The following NRP1 variants were observed in gnomAD, a reference collection of about 807,000 sequenced individuals.
NRP1 encodes the protein neuropilin-1.
A neutral mutation model predicts 106.7 loss-of-function variants in NRP1; 35 were observed. The ratio of observed to expected loss-of-function variants is 0.33; its 90% CI spans 0.25 to 0.43. The LOEUF (loss-of-function observed/expected upper bound fraction) is 0.43, where lower values mean the gene tolerates loss of function less well. NRP1 is among the 20% of genes least tolerant of loss of function. NRP1 has a pLI of 1.00. For synonymous variants in NRP1, 437 were observed against 417.9 expected (o/e 1.05, Z -0.56); for missense variants, 1,024 against 1,170.4 (o/e 0.87, Z 1.83).
chr10:33,313,519 A>G (rs1846764667), intron 2 of NRP1, among the ~76,000 whole-genome samples: 1 of 152,252 alleles, frequency 6.6e-6, no homozygotes, highest in Non-Finnish European at 1.5e-5. Context: ...AAGTTAAAAA[A>G]AAAAGACATC....
intron 2 of NRP1, among the ~76,000 whole-genome samples, chr10:33,319,652 T>G (rs1847330048): frequency 6.7e-6 from 1 of 149,232 alleles, no homozygotes; most frequent in African/African-American, 2.5e-5. Flanking sequence ...ATTGGCACGA[T>G]CTCGGCTTAT....
intron 6 of NRP1, among the ~76,000 whole-genome samples, chr10:33,231,053 G>A (rs1026528259): frequency 2.0e-5 from 3 of 152,108 alleles, no homozygotes; most frequent in Admixed American, 1.3e-4. Flanking sequence ...TTCGTTGCTT[G>A]TAACAGAATA....
chr10:33,265,841 C>T (rs144751312), intron 3 of NRP1, among the ~76,000 whole-genome samples: 1 of 152,298 alleles, frequency 6.6e-6, no homozygotes, highest in Non-Finnish European at 1.5e-5. Flanking sequence ...ATGACATGTG[C>T]TGTATGGTTT....
At chr10:33,326,382 C>A (rs1306268883) in intron 2 of NRP1, among the ~76,000 whole-genome samples, 1 of 152,146 alleles carries the variant, frequency 6.6e-6, no homozygotes, top group Non-Finnish European at 1.5e-5. Context: ...CTGGTCACTT[C>A]TTTATTTCTT....
intron 14 of NRP1, 96 bp downstream of exon 14, chr10:33,186,120 TC>T: frequency 2.1e-6 from 3 of 1,421,018 alleles, no homozygotes; most frequent in Non-Finnish European, 2.8e-6. Flanking sequence ...GGAAATAATT[TC>T]GGAATAATTC....
At chr10:33,187,387 C>G (rs2506147) in intron 13 of NRP1, among the ~76,000 whole-genome samples, 14,774 of 151,976 alleles carry the variant, frequency 0.097, 749 homozygotes, top group Middle Eastern at 0.2. Flanking sequence ...TTTTCAAGTT[C>G]AGATTATTTT....
chr10:33,214,500 T>C (rs550161333), intron 8 of NRP1, among the ~76,000 whole-genome samples: 4 of 152,306 alleles, frequency 2.6e-5, no homozygotes, highest in East Asian at 1.9e-4. Flanking sequence ...GCAACAGAAC[T>C]CTTGTTGCTA....
At chr10:33,186,634 T>C in intron 13 of NRP1, 146 bp from the exon 14 acceptor site, 1 of 923,280 alleles carries the variant, frequency 1.1e-6, no homozygotes, top group Non-Finnish European at 1.6e-6. Flanking sequence ...GTGTGCACAC[T>C]TGGGGACCTC....
At chr10:33,247,751 G>A (rs1293852619) in intron 6 of NRP1, among the ~76,000 whole-genome samples, 1 of 152,198 alleles carries the variant, frequency 6.6e-6, no homozygotes, top group Non-Finnish European at 1.5e-5. Context: ...AAGTGGCAAT[G>A]CACGCGCTGG....
chr10:33,211,026 GATA>G (rs1838261181), intron 9 of NRP1, among the ~76,000 whole-genome samples: 2 of 152,200 alleles, frequency 1.3e-5, no homozygotes, highest in African/African-American at 4.8e-5. Context: ...ATAGGAAGAT[GATA>G]ATGATGGATA....
chr10:33,296,017 T>G (rs1845359735), intron 2 of NRP1, among the ~76,000 whole-genome samples: 1 of 152,206 alleles, frequency 6.6e-6, no homozygotes, highest in African/African-American at 2.4e-5. Context: ...GTTTGGGTTT[T>G]GTAGTTATGT....
Position 33,214,809 on chromosome 10 carries a change from G to A in NRP1, c.1283-1092C>T, listed in dbSNP as rs112675918. Among the ~76,000 whole-genome samples, 1,099 of 152,280 alleles carry A rather than the reference G, an allele frequency of 7.2e-3. 11 individuals are homozygous for A. The highest frequency in any genetic ancestry group is 0.025 in the African/African-American group (1,039 of 41,558). ...AAAATGGTGGTTGCCAGGGCTTGGG[G>A]GAAATGGAGATTGGGAGAGTTAGTG... is the stretch of plus-strand genomic sequence containing the variant. On this transcript the variant is annotated intron_variant, in intron 8 of 16. Transcript: ENST00000374867.
At chr10:33,297,342 A>G (rs894753992) in intron 2 of NRP1, among the ~76,000 whole-genome samples, 1 of 152,234 alleles carries the variant, frequency 6.6e-6, no homozygotes, top group African/African-American at 2.4e-5. Flanking sequence ...CGATTCTGGA[A>G]CATTACTGGG....
chr10:33,207,512 A>G, intron 10 of NRP1, 60 bp downstream of exon 10: 2 of 1,596,930 alleles, frequency 1.3e-6, no homozygotes, highest in Non-Finnish European at 1.7e-6. Flanking sequence ...TCAGGGGCAT[A>G]AATGCATGGA....
intron 6 of NRP1, among the ~76,000 whole-genome samples, chr10:33,239,826 T>G (rs1185631521): frequency 6.6e-6 from 1 of 152,218 alleles, no homozygotes; most frequent in Non-Finnish European, 1.5e-5. Context: ...TAAGGTTATT[T>G]GCAAGCATGA....
chr10:33,200,169 C>G (rs1837168901), intron 11 of NRP1, among the ~76,000 whole-genome samples: 1 of 152,160 alleles, frequency 6.6e-6, no homozygotes, highest in Non-Finnish European at 1.5e-5. Context: ...GAGAAAGATT[C>G]AAGGTGAAAA....
chr10:33,217,888 T>A (rs1030077881), intron 8 of NRP1, among the ~76,000 whole-genome samples: 1 of 152,200 alleles, frequency 6.6e-6, no homozygotes. Context: ...TCAGCTTTAA[T>A]GGAAAAACTG....
intron 2 of NRP1, among the ~76,000 whole-genome samples, chr10:33,293,649 C>T (rs1845164964): frequency 2.0e-5 from 3 of 152,310 alleles, no homozygotes; most frequent in Admixed American, 2.0e-4. Context: ...CACACTCACT[C>T]AGCATTCAGC....
In NRP1 at chr10:33,243,933, TTGTG is replaced by T. The variant is rs112554908; in HGVS notation, c.981+10091_981+10094del. Reference sequence around the variant, plus strand: ...GAGAGTGGAGAAGGAGGGTAGAGGTTTGTGTGTGTGTGTGTGTGTGTGTGTGTGT... The same window carrying T: ...GAGAGTGGAGAAGGAGGGTAGAGGTTTGTGTGTGTGTGTGTGTGTGTGTGT... On this transcript the variant is annotated intron_variant, in intron 6 of 16. Transcript: ENST00000374867. Among the ~76,000 whole-genome samples, 309 of 141,392 alleles carry T rather than the reference TTGTG, an allele frequency of 2.2e-3. 2 individuals are homozygous for T. The highest frequency in any genetic ancestry group is 5.3e-3 in the African/African-American group (204 of 38,308). 92.8% of individuals were successfully genotyped at this position (141,392 alleles called of 152,430 possible).
Sources: gnomAD v4.1 joint callset for allele counts (sites outside exome capture counted in the v4.1 genomes callset) on GRCh38, gnomAD v4.1.1 for gene constraint, MANE v1.5 for transcripts, NCBI Gene and HGNC (gene_info 2026-07-23, HGNC 2026-07-21) for gene names.